RGS7: variants seen among roughly 807,000 people sequenced by gnomAD.
The protein encoded by RGS7 is regulator of G-protein signaling 7.
In RGS7, 27 loss-of-function variants were observed where a neutral mutation model predicts 81.1. The observed-to-expected ratio is 0.33, with a 90% CI of 0.25 to 0.46. The LOEUF (loss-of-function observed/expected upper bound fraction) is 0.46, where lower values mean the gene tolerates loss of function less well. Among genes scored for constraint, RGS7 ranks in the 20% least tolerant of loss-of-function variants. RGS7 has a pLI of 1.00. For missense variants in RGS7, 396 were observed against 607.4 expected (o/e 0.65, Z 3.66); for synonymous variants, 208 against 207.7 (o/e 1.00, Z -0.01).
At chr1:241,217,731 A>G (rs1439624090) in intron 2 of RGS7, among the ~76,000 whole-genome samples, 5 of 152,224 alleles carry the variant, frequency 3.3e-5, no homozygotes, top group African/African-American at 1.2e-4. Context: ...TCATTTAACT[A>G]TGTATGTGTT....
chr1:241,144,450 G>A lies in RGS7; in HGVS notation c.79-45688C>T, dbSNP rs1295273671. Among the ~76,000 whole-genome samples, 4 of 152,114 alleles carry A rather than the reference G, an allele frequency of 2.6e-5. No homozygotes were observed. Among genetic ancestry groups the A allele is most frequent in the Non-Finnish European group, 5.9e-5 (4 of 68,022 alleles). On this transcript the variant is annotated intron_variant, in intron 2 of 18. Transcript: ENST00000440928. The surrounding 1 kb of genome is among the most constrained non-coding windows in gnomAD (Gnocchi z 4.7). ...TCCATTATTACTTACTGCGGTTCAC[G>A]GAAGCAGCTTTGTAAACCTACATAA...
At chr1:240,959,789 G>A (rs1681050884) in intron 4 of RGS7, among the ~76,000 whole-genome samples, 1 of 152,116 alleles carries the variant, frequency 6.6e-6, no homozygotes, top group Admixed American at 6.5e-5. Context: ...TGCCTAGTGA[G>A]AGCATAAACA....
At chr1:240,925,376 T>C (rs1674274889) in intron 6 of RGS7, among the ~76,000 whole-genome samples, 1 of 152,140 alleles carries the variant, frequency 6.6e-6, no homozygotes, top group Admixed American at 6.5e-5. Context: ...GAACATGTGG[T>C]ATTTGGTTTT....
rs115153752 is a variant in RGS7, at chr1:240,856,436, G to A, written c.609+12151C>T. Among the ~76,000 whole-genome samples the A allele has an allele frequency of 4.1e-3, 619 of 152,202 alleles. 2 individuals are homozygous for A. Among genetic ancestry groups the A allele is most frequent in the African/African-American group, 0.014 (599 of 41,526 alleles). On this transcript the variant is annotated intron_variant, in intron 9 of 18. Transcript: ENST00000440928. ...TTAGTGTGGGAAACTATAAATGTTG[G>A]TTGAAAGACATACTAAATGAATGAA...
At chr1:241,128,807 G>T (rs10926418) in intron 2 of RGS7, among the ~76,000 whole-genome samples, 1 of 139,030 alleles carries the variant, frequency 7.2e-6, no homozygotes, top group Admixed American at 7.4e-5. Context: ...AAACTCTTCA[G>T]AGGAATAAGT....
At chr1:240,956,729 A>G (rs1680495735) in intron 4 of RGS7, among the ~76,000 whole-genome samples, 1 of 152,170 alleles carries the variant, frequency 6.6e-6, no homozygotes. Context: ...CTCCATTTAC[A>G]TGACACTCTG....
At chr1:241,047,009 TG>T (rs202209937) in intron 3 of RGS7, among the ~76,000 whole-genome samples, 100 of 152,082 alleles carry the variant, frequency 6.6e-4, no homozygotes, top group African/African-American at 2.3e-3. Context: ...CAGCAAATTT[TG>T]TGAGCAGTCC....
chr1:240,951,442 G>T (rs1347684416), intron 4 of RGS7, among the ~76,000 whole-genome samples: 1 of 152,054 alleles, frequency 6.6e-6, no homozygotes, highest in African/African-American at 2.4e-5. Context: ...TTCTAAGAAA[G>T]ATATTCGAAG....
At chr1:241,321,456 CA>C (rs1424171742) in intron 2 of RGS7, among the ~76,000 whole-genome samples, 3 of 152,192 alleles carry the variant, frequency 2.0e-5, no homozygotes, top group Non-Finnish European at 4.4e-5. Flanking sequence ...TGCACTCCCA[CA>C]GATAACGAGA....
chr1:241,177,092 C>A (rs1277505906), intron 2 of RGS7, among the ~76,000 whole-genome samples: 1 of 152,176 alleles, frequency 6.6e-6, no homozygotes, highest in South Asian at 2.1e-4. Context: ...AAGTGCCCTG[C>A]CCTCAAGAGT....
intron 6 of RGS7, among the ~76,000 whole-genome samples, chr1:240,885,072 C>T (rs1040792413): frequency 1.3e-5 from 2 of 152,082 alleles, no homozygotes; most frequent in Non-Finnish European, 2.9e-5. Flanking sequence ...CAAACAACTG[C>T]ATTAAAAGTG....
chr1:241,126,709 G>T (rs940013814), intron 2 of RGS7, among the ~76,000 whole-genome samples: 9 of 152,114 alleles, frequency 5.9e-5, no homozygotes, highest in Non-Finnish European at 1.2e-4. Flanking sequence ...CACTAGAGAG[G>T]TTAGGAAAGT....
At chr1:241,253,919 T>C (rs1451208312) in intron 2 of RGS7, among the ~76,000 whole-genome samples, 1 of 152,094 alleles carries the variant, frequency 6.6e-6, no homozygotes. Flanking sequence ...GTGTTCAATG[T>C]GGTGAAGAAA....
At chr1:241,035,885 G>A (rs770062580) in intron 3 of RGS7, among the ~76,000 whole-genome samples, 9 of 152,032 alleles carry the variant, frequency 5.9e-5, no homozygotes, top group South Asian at 2.1e-4. Flanking sequence ...GCCCCACTTC[G>A]TTGAATTATC....
rs71568983 is a variant in RGS7 at position 241,068,224 on chromosome 1, T to TTGTGTGTGTGTG, written c.175+30430_175+30441dup. 7.7e-3 allele frequency among the ~76,000 whole-genome samples: 429 copies of TTGTGTGTGTGTG among 55,758 alleles called. 38 individuals are homozygous for TTGTGTGTGTGTG. Among genetic ancestry groups the TTGTGTGTGTGTG allele is most frequent in the Admixed American group, 0.042 (177 of 4,250 alleles). The allele number at this position is 55,758 out of a possible 152,430, so 36.6% of individuals were successfully genotyped here. On this transcript the variant is annotated intron_variant, in intron 3 of 18. Transcript: ENST00000440928. ...TTTGCTTTTGGGTTCTATCCATAAA[T>TTGTGTGTGTGTG]TGTGTGTGTGTGTGTATATATATAT...
At chr1:240,929,507 G>A (rs1402697391) in intron 6 of RGS7, among the ~76,000 whole-genome samples, 2 of 151,908 alleles carry the variant, frequency 1.3e-5, no homozygotes, top group Non-Finnish European at 2.9e-5. Flanking sequence ...TGTTAGTTTC[G>A]ACTCTTTTGA....
chr1:240,920,062 C>G, intron 6 of RGS7: 1 of 991,064 alleles, frequency 1.0e-6, no homozygotes, highest in Non-Finnish European at 1.6e-6. Flanking sequence ...GAAATCATGA[C>G]TGATTGAGGC....
rs71172652 is a variant in RGS7 at position 240,812,437 on chromosome 1, C to CT, written c.957-395dup. On this transcript the variant is annotated intron_variant, in intron 13 of 18. Coordinates refer to ENST00000440928, the MANE Select transcript of RGS7 (RefSeq NM_001364886.1). ...GACCCCAGTGCCACATTTCTTTTTT[C>CT]TTTTTTTTTTTTTTGAGATGGAGTT... 5.5e-3 allele frequency among the ~76,000 whole-genome samples: 753 copies of CT among 137,600 alleles called. 16 individuals carry two copies. The highest frequency in any genetic ancestry group is 0.019 in the East Asian group (89 of 4,738). The allele number at this position is 137,600 out of a possible 152,430, so 90.3% of individuals were successfully genotyped here.
intron 18 of RGS7, among the ~76,000 whole-genome samples, chr1:240,776,768 A>T (rs1229132208): frequency 6.6e-6 from 1 of 152,190 alleles, no homozygotes; most frequent in African/African-American, 2.4e-5. Context: ...TTACATAATA[A>T]TGGATAAAAA....
Sources: allele counts gnomAD v4.1 joint callset (sites outside exome capture counted in the v4.1 genomes callset), GRCh38; gene constraint gnomAD v4.1.1; non-coding constraint Gnocchi (gnomAD v3.1); transcripts MANE v1.5; gene names NCBI Gene and HGNC (gene_info 2026-07-23, HGNC 2026-07-21).